The following AGBL4 variants were observed in gnomAD, a reference collection of about 807,000 sequenced individuals.
AGBL4 encodes cytosolic carboxypeptidase 6.
A neutral mutation model predicts 66.4 loss-of-function variants in AGBL4; 58 were observed. The observed-to-expected ratio is 0.87, with a 90% CI of 0.71 to 1.09. AGBL4 has a LOEUF of 1.09. Ranked by LOEUF, AGBL4 falls within the 50% of genes least tolerant of loss-of-function variation. The probability of loss-of-function intolerance (pLI) is 0.00; values close to 1 mark genes in which losing one functional copy is unlikely to be tolerated. For missense variants in AGBL4, 579 were observed against 631.0 expected (o/e 0.92, Z 0.88); for synonymous variants, 234 against 222.9 (o/e 1.05, Z -0.44).
At chr1:49,002,562 G>C (rs961759775) in intron 5 of AGBL4, among the ~76,000 whole-genome samples, 14 of 152,282 alleles carry the variant, frequency 9.2e-5, no homozygotes, top group African/African-American at 3.1e-4. Context: ...AGGAGAGCAA[G>C]GGAGAGAACA....
intron 2 of AGBL4, among the ~76,000 whole-genome samples, chr1:49,806,068 T>G (rs1644970247): frequency 6.6e-6 from 1 of 152,140 alleles, no homozygotes. Context: ...AGGATGGAAG[T>G]GCTTGGAGGT....
intron 11 of AGBL4, among the ~76,000 whole-genome samples, chr1:48,575,570 C>T (rs1239010402): frequency 6.6e-6 from 1 of 152,150 alleles, no homozygotes; most frequent in East Asian, 1.9e-4. Flanking sequence ...CTCTCACTCC[C>T]TAACTCACAC....
At chr1:48,546,402 G>A (rs1329276897) in intron 11 of AGBL4, among the ~76,000 whole-genome samples, 1 of 152,184 alleles carries the variant, frequency 6.6e-6, no homozygotes, top group African/African-American at 2.4e-5. Flanking sequence ...AATTGTGAAA[G>A]GCTTCATGGA....
chr1:49,869,609 G>A (rs1300254220), intron 1 of AGBL4, among the ~76,000 whole-genome samples: 1 of 152,152 alleles, frequency 6.6e-6, no homozygotes, highest in Non-Finnish European at 1.5e-5. Context: ...TGAGTACAGT[G>A]GTAGGGAGAG....
intron 12 of AGBL4, among the ~76,000 whole-genome samples, chr1:48,537,584 C>T (rs1113487): frequency 0.11 from 16,895 of 152,202 alleles, 1,089 homozygotes; most frequent in East Asian, 0.25. Flanking sequence ...GCTCCTTCTG[C>T]TCCCTAAGTC....
At chr1:48,854,464 A>C (rs1228135553) in intron 6 of AGBL4, among the ~76,000 whole-genome samples, 1 of 152,176 alleles carries the variant, frequency 6.6e-6, no homozygotes, top group Non-Finnish European at 1.5e-5. Context: ...TGGAGCCTCT[A>C]GTAGCCTTAA....
chr1:49,827,996 C>T (rs953239985), intron 2 of AGBL4, among the ~76,000 whole-genome samples: 12 of 152,242 alleles, frequency 7.9e-5, no homozygotes, highest in Admixed American at 2.6e-4. Flanking sequence ...ATCAAACAAG[C>T]TTCTAATTTT....
At chr1:49,789,201 G>A (rs1420963827) in intron 2 of AGBL4, among the ~76,000 whole-genome samples, 3 of 152,134 alleles carry the variant, frequency 2.0e-5, no homozygotes, top group African/African-American at 4.8e-5. Flanking sequence ...TGACTTGATC[G>A]TGCTGGATAA....
At chr1:49,547,348 T>A (rs952712791) in intron 3 of AGBL4, among the ~76,000 whole-genome samples, 1 of 152,366 alleles carries the variant, frequency 6.6e-6, no homozygotes, top group Admixed American at 6.5e-5. Context: ...CTCTATTCTG[T>A]TCCATTGGCC....
At chr1:48,872,998 T>C (rs574878243) in intron 5 of AGBL4, among the ~76,000 whole-genome samples, 13 of 152,212 alleles carry the variant, frequency 8.5e-5, no homozygotes, top group Non-Finnish European at 1.9e-4. Flanking sequence ...TTTGGGCTTC[T>C]CACTATCTGG....
chr1:49,215,141 C>T (rs565383654), intron 4 of AGBL4, among the ~76,000 whole-genome samples: 48 of 152,126 alleles, frequency 3.2e-4, no homozygotes, highest in Admixed American at 1.2e-3. Context: ...AGAAATATTC[C>T]AGCATATGCA....
chr1:49,688,743 C>A (rs2124585647), intron 3 of AGBL4, among the ~76,000 whole-genome samples: 1 of 152,112 alleles, frequency 6.6e-6, no homozygotes, highest in African/African-American at 2.4e-5. Flanking sequence ...TTTGTTATTG[C>A]CTGTCTTTTG....
intron 4 of AGBL4, among the ~76,000 whole-genome samples, chr1:49,229,919 C>T (rs1255445776): frequency 7.5e-6 from 1 of 133,800 alleles, no homozygotes; most frequent in East Asian, 4.2e-4. Context: ...ATGGGTGACT[C>T]ACCCCACCTT....
intron 4 of AGBL4, among the ~76,000 whole-genome samples, chr1:49,232,556 G>A (rs765353598): frequency 2.6e-5 from 4 of 151,932 alleles, no homozygotes; most frequent in Non-Finnish European, 4.4e-5. Context: ...AAAATTAGCT[G>A]GGCATGGTGG....
intron 3 of AGBL4, among the ~76,000 whole-genome samples, chr1:49,693,490 T>C (rs1306674200): frequency 6.6e-6 from 1 of 152,120 alleles, no homozygotes; most frequent in Non-Finnish European, 1.5e-5. Flanking sequence ...CATGAAAATG[T>C]ATATACAGTA....
chr1:48,601,422 G>T (rs545626550), intron 9 of AGBL4, among the ~76,000 whole-genome samples: 2 of 152,276 alleles, frequency 1.3e-5, no homozygotes, highest in East Asian at 3.9e-4. Context: ...TGGCACTGGG[G>T]ATATGGACCT....
chr1:49,799,613 T>C lies in AGBL4; in HGVS notation c.157+51783A>G, dbSNP rs1444263465. Among the ~76,000 whole-genome samples, 4 of 151,966 alleles carry C rather than the reference T, an allele frequency of 2.6e-5. No individual in the cohort carries two copies. The South Asian group carries it at 8.3e-4, about 31-fold the overall frequency. Reference sequence around the variant, plus strand: ...AGACAGATACATAGTAGAAAGAAGATAGATTTTAGAGTGAAAAAACAAGGG... The same window carrying C: ...AGACAGATACATAGTAGAAAGAAGACAGATTTTAGAGTGAAAAAACAAGGG... On this transcript the variant is annotated intron_variant, in intron 2 of 13. Coordinates refer to ENST00000371839, the MANE Select transcript of AGBL4 (RefSeq NM_032785.4).
intron 6 of AGBL4, among the ~76,000 whole-genome samples, chr1:48,714,876 T>A (rs1357813889): frequency 6.6e-6 from 1 of 152,234 alleles, no homozygotes; most frequent in Non-Finnish European, 1.5e-5. Flanking sequence ...TAGTCGCTCA[T>A]TCATCGATTC....
chr1:48,523,234 C>T, the AGBL4 span, among the ~76,000 whole-genome samples: 1 of 152,200 alleles, frequency 6.6e-6, no homozygotes, highest in Non-Finnish European at 1.5e-5. Context: ...AAGACTCCTT[C>T]TAATGGATCA....
Sources: gnomAD v4.1 joint callset for allele counts (sites outside exome capture counted in the v4.1 genomes callset) on GRCh38, gnomAD v4.1.1 for gene constraint, MANE v1.5 for transcripts, NCBI Gene and HGNC (gene_info 2026-07-23, HGNC 2026-07-21) for gene names.